The following B3GALT5 variants were observed in gnomAD, a reference collection of about 807,000 sequenced individuals.
B3GALT5 encodes the protein UDP-Gal:betaGlcNAc beta 1,3-galactosyltransferase, polypeptide 5.
For synonymous variants in B3GALT5, 156 were observed against 158.6 expected (o/e 0.98, Z 0.12); for missense variants, 328 against 396.6 (o/e 0.83, Z 1.47).
intron 1 of B3GALT5, among the ~76,000 whole-genome samples, chr21:39,613,589 G>A (rs1384749406): frequency 6.6e-6 from 1 of 152,190 alleles, no homozygotes; most frequent in Non-Finnish European, 1.5e-5. Context: ...GAGTCTGTAG[G>A]TCATTGCTAA....
chr21:39,625,038 G>A (rs890708782), intron 1 of B3GALT5, among the ~76,000 whole-genome samples: 1 of 152,164 alleles, frequency 6.6e-6, no homozygotes, highest in African/African-American at 2.4e-5. Flanking sequence ...ACTCCACATT[G>A]TAGACTATGG....
At chr21:39,618,068 T>A (rs1221033289) in intron 1 of B3GALT5, among the ~76,000 whole-genome samples, 2 of 152,056 alleles carry the variant, frequency 1.3e-5, no homozygotes, top group African/African-American at 4.8e-5. Flanking sequence ...GATGGGAGGA[T>A]TGCTTGGGTC....
chr21:39,635,628 G>A (rs989447119), intron 1 of B3GALT5, among the ~76,000 whole-genome samples: 2 of 152,128 alleles, frequency 1.3e-5, no homozygotes, highest in Admixed American at 6.5e-5. Context: ...ACAGGCCTGT[G>A]CCACCACACC....
At chr21:39,615,279 C>T (rs374169925) in intron 1 of B3GALT5, among the ~76,000 whole-genome samples, 5 of 152,052 alleles carry the variant, frequency 3.3e-5, no homozygotes, top group African/African-American at 4.8e-5. Context: ...CTTCTTTGCC[C>T]GTGGAAGGAG....
chr21:39,669,956 C>T lies in B3GALT5; in HGVS notation c.*8464C>T, dbSNP rs550704747. The T allele has an allele frequency of 5.1e-4, 77 of 152,268 alleles. No individual in the cohort carries two copies. Among genetic ancestry groups the T allele is most frequent in the African/African-American group, 1.8e-3 (75 of 41,498 alleles). The allele number at this position is 152,268 out of a possible 1,614,324, so 9.4% of individuals were successfully genotyped here. A position where few individuals can be genotyped will look rare whatever the true frequency, so the allele number is the denominator to read the frequency against. ...TCCAAGTGTTGATATGAGTTTCAGT[C>T]TGCCCCTTCCTGGGCCTGTTTGACC... On this transcript the variant is annotated 3_prime_UTR_variant, in exon 4 of 4. Transcript: ENST00000684187.
At position 39,669,199 on chromosome 21, in the gene B3GALT5, A is replaced by G. The variant is rs999636770; in HGVS notation, c.*7707A>G. On this transcript the variant is annotated 3_prime_UTR_variant, in exon 4 of 4. Coordinates refer to ENST00000684187, the MANE Select transcript of B3GALT5 (RefSeq NM_001356336.2). ...ACTGTGTTCTTGACCCTCTTAATTC[A>G]GAATATGTGAAAATCTGAATGAGGT... 1.3e-5 allele frequency: 2 copies of G among 152,222 alleles called. No homozygotes were observed. Among genetic ancestry groups the G allele is most frequent in the African/African-American group, 4.8e-5 (2 of 41,458 alleles). The allele number at this position is 152,222 out of a possible 1,614,324, so 9.4% of individuals were successfully genotyped here. A position where few individuals can be genotyped will look rare whatever the true frequency, so the allele number is the denominator to read the frequency against.
intron 1 of B3GALT5, among the ~76,000 whole-genome samples, chr21:39,623,220 TCCCTCCCTC>T (rs2079144772): frequency 2.2e-4 from 10 of 45,476 alleles, no homozygotes; most frequent in Admixed American, 9.3e-4. Flanking sequence ...CCTCCCTCCC[TCCCTCCCTC>T]CCTCCCTCCC....
At chr21:39,613,152 T>TGCCG (rs1332910947) in intron 1 of B3GALT5, 85 bp downstream of exon 1, 1 of 149,428 alleles carries the variant, frequency 6.7e-6, no homozygotes, top group East Asian at 2.0e-4. Flanking sequence ...GGGGCGTGGG[T>TGCCG]GCCGGGCGCA....
intron 1 of B3GALT5, among the ~76,000 whole-genome samples, chr21:39,621,654 G>T (rs937583703): frequency 1.3e-5 from 2 of 151,916 alleles, no homozygotes; most frequent in East Asian, 1.9e-4. Flanking sequence ...ATTAATTCAT[G>T]ATTTGCTGGA....
In B3GALT5 at chr21:39,663,557, T is replaced by G. The variant is rs2079549350; in HGVS notation, c.*2065T>G. On this transcript the variant is annotated 3_prime_UTR_variant, in exon 4 of 4. Transcript: ENST00000684187. Reference sequence around the variant, plus strand: ...TAGTGGCCTGATCTCGCTGCAGCCTTGAACTCAACGAGCCTCAAACGAGCC... The same window carrying G: ...TAGTGGCCTGATCTCGCTGCAGCCTGGAACTCAACGAGCCTCAAACGAGCC... The G allele has an allele frequency of 6.6e-6, 1 of 151,954 alleles. No individual in the cohort carries two copies. The highest frequency in any genetic ancestry group is 1.5e-5 in the Non-Finnish European group (1 of 67,978). The allele number at this position is 151,954 out of a possible 1,614,324, so 9.4% of individuals were successfully genotyped here.
At chr21:39,639,400 TTTTCTTTCTTTCTTTCTTTC>T (rs71330377) in intron 1 of B3GALT5, among the ~76,000 whole-genome samples, 94 of 57,180 alleles carry the variant, frequency 1.6e-3, no homozygotes, top group Non-Finnish European at 2.5e-3. Context: ...CCTTCTTTCT[TTTTCTTTCTTTCTTTCTTTC>T]TTTCTTTCTT....
chr21:39,636,306 G>A (rs1322017638), intron 1 of B3GALT5, among the ~76,000 whole-genome samples: 2 of 152,210 alleles, frequency 1.3e-5, no homozygotes, highest in African/African-American at 4.8e-5. Flanking sequence ...GATCACAACA[G>A]TGAGACCATG....
chr21:39,648,369 G>T lies in B3GALT5; in HGVS notation c.-161+1747G>T, dbSNP rs900025508. 8.5e-5 allele frequency among the ~76,000 whole-genome samples: 13 copies of T among 152,316 alleles called. No homozygotes were observed. The East Asian group carries it at 2.1e-3, about 25-fold the overall frequency. On this transcript the variant is annotated intron_variant, in intron 2 of 3. Transcript: ENST00000684187. The stretch of plus-strand genomic sequence containing the variant: ...GAGTGAGGGGAGGGGACAGGACAGA[G>T]CCTGAATGGGGGCCAGACCCTCCTA...
intron 1 of B3GALT5, among the ~76,000 whole-genome samples, chr21:39,638,313 C>T (rs568027702): frequency 3.3e-5 from 5 of 152,250 alleles, no homozygotes; most frequent in African/African-American, 1.2e-4. Context: ...GGCGGGACGT[C>T]GAGAGGAGCA....
At chr21:39,657,445 C>A (rs2079456147) in intron 2 of B3GALT5, 1 of 154,670 alleles carries the variant, frequency 6.5e-6, no homozygotes, top group Non-Finnish European at 1.4e-5. Context: ...GGCCTTTGGA[C>A]CCGAGGATTT....
At position 39,669,520 on chromosome 21, in the gene B3GALT5, A is replaced by T. The variant is rs149430455; in HGVS notation, c.*8028A>T. The T allele has an allele frequency of 1.3e-5, 2 of 152,132 alleles. No homozygotes were observed. The highest frequency in any genetic ancestry group is 4.8e-5 in the African/African-American group (2 of 41,418). The allele number at this position is 152,132 out of a possible 1,614,324, so 9.4% of individuals were successfully genotyped here. A position where few individuals can be genotyped will look rare whatever the true frequency, so the allele number is the denominator to read the frequency against. ...TGCATACAGAGCTTTCACTGGGTAAATACACAATGCTGAGAAGATTATCAG... is the reference window on the plus strand; with the variant it reads ...TGCATACAGAGCTTTCACTGGGTAATTACACAATGCTGAGAAGATTATCAG... On this transcript the variant is annotated 3_prime_UTR_variant, in exon 4 of 4. Transcript: ENST00000684187.
intron 1 of B3GALT5, among the ~76,000 whole-genome samples, chr21:39,644,670 G>A (rs1223900048): frequency 6.6e-6 from 1 of 152,200 alleles, no homozygotes; most frequent in African/African-American, 2.4e-5. Flanking sequence ...TTATGCACAA[G>A]GAGGGAAAGG....
At chr21:39,645,340 C>T (rs1395334346) in intron 1 of B3GALT5, among the ~76,000 whole-genome samples, 2 of 152,188 alleles carry the variant, frequency 1.3e-5, no homozygotes, top group East Asian at 1.9e-4. Flanking sequence ...AGGTCTCGCC[C>T]TGAGTGTGCA....
intron 1 of B3GALT5, among the ~76,000 whole-genome samples, chr21:39,635,061 C>T (rs1200107925): frequency 4.6e-5 from 7 of 152,072 alleles, no homozygotes; most frequent in Non-Finnish European, 2.9e-5. Context: ...TGAGGGCCCC[C>T]GCAAAGCCCA....
Sources: allele counts gnomAD v4.1 joint callset (sites outside exome capture counted in the v4.1 genomes callset), GRCh38; gene constraint gnomAD v4.1.1; transcripts MANE v1.5; gene names NCBI Gene and HGNC (gene_info 2026-07-23, HGNC 2026-07-21).